The following FBXL17 variants were observed in gnomAD, a reference collection of about 807,000 sequenced individuals.
FBXL17 encodes the protein F-box and leucine rich repeat protein 17, also known as F-box/LRR-repeat protein 17.
FBXL17 carries 22 observed loss-of-function variants against 66.2 expected under a neutral mutation model. The ratio of observed to expected loss-of-function variants is 0.33; its 90% CI spans 0.24 to 0.47. The LOEUF is 0.47. Ranked by LOEUF, FBXL17 falls within the 20% of genes least tolerant of loss-of-function variation. FBXL17 has a pLI of 1.00. For missense variants in FBXL17, 878 were observed against 948.2 expected, an observed-to-expected ratio of 0.93 and a Z score of 0.97; for synonymous variants, 474 against 400.5, an observed-to-expected ratio of 1.18 and a Z score of -2.19.
At chr5:107,889,617 G>A (rs1749125859) in intron 7 of FBXL17, among the ~76,000 whole-genome samples, 1 of 152,126 alleles carries the variant, frequency 6.6e-6, no homozygotes, top group Admixed American at 6.5e-5. Context: ...TGACCTTTCT[G>A]GGAAGAGGCT....
intron 4 of FBXL17, among the ~76,000 whole-genome samples, chr5:108,320,510 A>G (rs945896635): frequency 2.4e-4 from 36 of 151,806 alleles, no homozygotes; most frequent in African/African-American, 8.7e-4. Context: ...TTGGACTATA[A>G]TAATTCAATC....
intron 7 of FBXL17, among the ~76,000 whole-genome samples, chr5:107,936,554 A>ATTCCTTTGTCCTACTT: frequency 6.6e-6 from 1 of 152,154 alleles, no homozygotes; most frequent in African/African-American, 2.4e-5. Flanking sequence ...TTTAACAACT[A>ATTCCTTTGTCCTACTT]TTCTTGAATT....
chr5:108,175,361 A>G (rs1310900160), intron 6 of FBXL17, among the ~76,000 whole-genome samples: 1 of 152,212 alleles, frequency 6.6e-6, no homozygotes, highest in Non-Finnish European at 1.5e-5. Context: ...CATGCGCTAT[A>G]GATTCAGCTA....
intron 6 of FBXL17, among the ~76,000 whole-genome samples, chr5:108,025,579 T>G (rs562996446): frequency 2.3e-4 from 35 of 152,100 alleles, no homozygotes; most frequent in African/African-American, 5.3e-4. Flanking sequence ...GTTTTAGAAA[T>G]AGAACCTCAT....
chr5:108,093,804 T>C (rs77892110), intron 6 of FBXL17, among the ~76,000 whole-genome samples: 3,417 of 152,250 alleles, frequency 0.022, 114 homozygotes, highest in African/African-American at 0.077. Context: ...TGTTTTATTC[T>C]AATGCTTAAA....
intron 6 of FBXL17, among the ~76,000 whole-genome samples, chr5:108,029,733 TA>T (rs749719001): frequency 6.6e-6 from 1 of 152,060 alleles, no homozygotes; most frequent in Non-Finnish European, 1.5e-5. Flanking sequence ...TTATGTAGTT[TA>T]TTTTTTTAAT....
chr5:107,971,836 A>G (rs1169555028), intron 7 of FBXL17, among the ~76,000 whole-genome samples: 2 of 152,124 alleles, frequency 1.3e-5, no homozygotes, highest in African/African-American at 4.8e-5. Flanking sequence ...CTCACATGCC[A>G]TCTCCCCCAG....
intron 8 of FBXL17, among the ~76,000 whole-genome samples, chr5:107,877,496 A>G (rs1038608429): frequency 6.6e-6 from 1 of 152,218 alleles, no homozygotes; most frequent in Non-Finnish European, 1.5e-5. Context: ...GAAATGAGGA[A>G]AAAAGCATCA....
At chr5:108,122,194 T>C (rs548531365) in intron 6 of FBXL17, among the ~76,000 whole-genome samples, 1 of 152,228 alleles carries the variant, frequency 6.6e-6, no homozygotes, top group South Asian at 2.1e-4. Context: ...CTAAGTACAA[T>C]GCACATATAT....
chr5:107,959,942 T>C (rs1751826592), intron 7 of FBXL17, among the ~76,000 whole-genome samples: 1 of 152,218 alleles, frequency 6.6e-6, no homozygotes, highest in Non-Finnish European at 1.5e-5. Flanking sequence ...TCAGTAGATC[T>C]GTTCTCAGTG....
chr5:108,270,317 G>C (rs1370108352), intron 4 of FBXL17, among the ~76,000 whole-genome samples: 2 of 151,856 alleles, frequency 1.3e-5, no homozygotes, highest in African/African-American at 4.8e-5. Context: ...CTCATAGGTT[G>C]AGAAAGGCTG....
At chr5:107,876,196 T>G (rs1748609425) in intron 8 of FBXL17, among the ~76,000 whole-genome samples, 1 of 152,210 alleles carries the variant, frequency 6.6e-6, no homozygotes, top group Non-Finnish European at 1.5e-5. Context: ...CGAGGCACAC[T>G]TTCTCTTTCC....
At chr5:108,128,961 C>G (rs975396596) in intron 6 of FBXL17, among the ~76,000 whole-genome samples, 1 of 152,072 alleles carries the variant, frequency 6.6e-6, no homozygotes, top group African/African-American at 2.4e-5. Flanking sequence ...GAATTCACTT[C>G]CCTAACTATT....
chr5:108,129,569 G>A (rs1164221145), intron 6 of FBXL17, among the ~76,000 whole-genome samples: 1 of 151,902 alleles, frequency 6.6e-6, no homozygotes, highest in Non-Finnish European at 1.5e-5. Context: ...CAGTGAAAAC[G>A]AGTCAAAAGA....
intron 4 of FBXL17, among the ~76,000 whole-genome samples, chr5:108,342,243 A>C (rs1746934869): frequency 1.3e-5 from 2 of 152,176 alleles, no homozygotes; most frequent in Admixed American, 6.5e-5. Flanking sequence ...ATATCACAAA[A>C]ATGTAAAACA....
chr5:108,230,636 A>T (rs375686765), intron 4 of FBXL17, among the ~76,000 whole-genome samples: 1 of 151,838 alleles, frequency 6.6e-6, no homozygotes, highest in East Asian at 1.9e-4. Context: ...TGCTCGGGTG[A>T]TGGGTGCACC....
At chr5:108,209,495 G>GA (rs1554075201) in intron 5 of FBXL17, among the ~76,000 whole-genome samples, 1 of 152,026 alleles carries the variant, frequency 6.6e-6, no homozygotes, top group African/African-American at 2.4e-5. Flanking sequence ...TCGATACCTA[G>GA]TTTTTTGAAA....
intron 3 of FBXL17, among the ~76,000 whole-genome samples, chr5:108,359,141 T>C (rs955343125): frequency 1.3e-5 from 2 of 152,186 alleles, no homozygotes; most frequent in African/African-American, 4.8e-5. Flanking sequence ...TTTTAATTTC[T>C]ATAAAGTCAG....
intron 6 of FBXL17, among the ~76,000 whole-genome samples, chr5:108,170,607 C>A (rs1752572209): frequency 6.6e-6 from 1 of 152,122 alleles, no homozygotes; most frequent in African/African-American, 2.4e-5. Context: ...CATCTCAGAT[C>A]ACTGCAACTT....
Sources: allele counts gnomAD v4.1 joint callset (sites outside exome capture counted in the v4.1 genomes callset), GRCh38; gene constraint gnomAD v4.1.1; transcripts MANE v1.5; gene names NCBI Gene and HGNC (gene_info 2026-07-23, HGNC 2026-07-21).